The following CYCS variants were observed in gnomAD, a reference collection of about 807,000 sequenced individuals.
The protein encoded by CYCS is cytochrome c, somatic.
For missense variants in CYCS, 87 were observed against 125.3 expected (o/e 0.69, Z 1.46); for synonymous variants, 41 against 43.0 (o/e 0.95, Z 0.18).
At chr7:25,124,543 G>A (rs565336866) in intron 1 of CYCS, 11 of 263,712 alleles carry the variant, frequency 4.2e-5, no homozygotes, top group East Asian at 2.0e-4. Flanking sequence ...CTCTCCCTGA[G>A]GATAACGCAA....
At position 25,119,728 on chromosome 7, in the gene CYCS, C is replaced by T. The variant is rs1017127235; in HGVS notation, c.*3973G>A. Among the ~76,000 whole-genome samples, 26 of 152,206 alleles carry T rather than the reference C, an allele frequency of 1.7e-4. No individual in the cohort carries two copies. The highest frequency in any genetic ancestry group is 6.3e-4 in the African/African-American group (26 of 41,452). ...TGGCTGGGACTACAGGTGTGCACCA[C>T]GACGCCCAGTTATCTAGTTTACTCT... On this transcript the variant is annotated 3_prime_UTR_variant, in exon 3 of 3. Coordinates refer to ENST00000305786, the MANE Select transcript of CYCS (RefSeq NM_018947.6).
At position 25,123,958 on chromosome 7, in the gene CYCS, C is replaced by T; in HGVS notation, c.162G>A (p.Lys54=). The change falls in exon 2 of 3, where the codon AAG becomes AAA. Residue 54 remains lysine (K), a synonymous_variant. Coordinates refer to ENST00000305786, the MANE Select transcript of CYCS (RefSeq NM_018947.6). ...APGYSYTAAN[K]NKGIIWGEDT... Reference sequence around the variant, plus strand: ...TTAACAAGTGACTCTTACCTTTGTTCTTATTGGCGGCTGTGTAAGAGTATC... The same window carrying T: ...TTAACAAGTGACTCTTACCTTTGTTTTTATTGGCGGCTGTGTAAGAGTATC... The T allele has an allele frequency of 6.2e-7, 1 of 1,614,122 alleles. No individual in the cohort carries two copies. The highest frequency in any genetic ancestry group is 8.5e-7 in the Non-Finnish European group (1 of 1,180,020).
Position 25,122,548 on chromosome 7 carries a change from ACT to A in CYCS, c.*1151_*1152del, listed in dbSNP as rs762398655. ...GAAATAATTCAGTATGTAATTATAC[ACT>A]GTTACACATCACAAAACTATGACCA... On this transcript the variant is annotated 3_prime_UTR_variant, in exon 3 of 3. Transcript: ENST00000305786. 6.6e-6 allele frequency: 1 copy of A among 152,264 alleles called. No individual in the cohort carries two copies. The highest frequency in any genetic ancestry group is 6.5e-5 in the Admixed American group (1 of 15,284). The allele number at this position is 152,264 out of a possible 1,614,324, so 9.4% of individuals were successfully genotyped here. A position where few individuals can be genotyped will look rare whatever the true frequency, so the allele number is the denominator to read the frequency against.
rs1393096190 is a variant in CYCS at position 25,119,214 on chromosome 7, T to C, written c.*4487A>G. On this transcript the variant is annotated 3_prime_UTR_variant, in exon 3 of 3. Coordinates refer to ENST00000305786, the MANE Select transcript of CYCS (RefSeq NM_018947.6). ...CCAACTTGGCAACATCTTATTGGTT[T>C]TCAGAATATACTGATGACGGATTGC... Among the ~76,000 whole-genome samples the C allele has an allele frequency of 6.6e-6, 1 of 152,244 alleles. No individual in the cohort carries two copies. The highest frequency in any genetic ancestry group is 2.4e-5 in the African/African-American group (1 of 41,452).
At position 25,122,086 on chromosome 7, in the gene CYCS, C is replaced by T. The variant is rs952439527; in HGVS notation, c.*1615G>A. 6.6e-6 allele frequency: 1 copy of T among 151,804 alleles called. No homozygotes were observed. The highest frequency in any genetic ancestry group is 1.5e-5 in the Non-Finnish European group (1 of 68,002). 9.4% of individuals were successfully genotyped at this position (151,804 alleles called of 1,614,324 possible). The stretch of plus-strand genomic sequence containing the variant: ...GTCTTTCTCATTAGTCCAGAATTGT[C>T]CCCTTGTAAGCTACTTGCTACACTG... On this transcript the variant is annotated 3_prime_UTR_variant, in exon 3 of 3. Coordinates refer to ENST00000305786, the MANE Select transcript of CYCS (RefSeq NM_018947.6).
In CYCS at chr7:25,118,796, A is replaced by C. The variant is rs1398369789; in HGVS notation, c.*4905T>G. Among the ~76,000 whole-genome samples, 1 of 151,876 alleles carries C rather than the reference A, an allele frequency of 6.6e-6. No individual in the cohort carries two copies. The highest frequency in any genetic ancestry group is 1.5e-5 in the Non-Finnish European group (1 of 68,030). On this transcript the variant is annotated 3_prime_UTR_variant, in exon 3 of 3. Transcript: ENST00000305786. ...AGTTACAGACATATTTAAATGTTTA[A>C]ATTTAAAATGTTAAATTTAACATTT...
chr7:25,119,897 T>C lies in CYCS; in HGVS notation c.*3804A>G, dbSNP rs568878849. On this transcript the variant is annotated 3_prime_UTR_variant, in exon 3 of 3. Transcript: ENST00000305786. ...TCAGTGGTTAAAGCAAAACTGTACATCTATAAAGGAATTCAAGAGAAGTGC... is the reference window on the plus strand; with the variant it reads ...TCAGTGGTTAAAGCAAAACTGTACACCTATAAAGGAATTCAAGAGAAGTGC... Among the ~76,000 whole-genome samples the C allele has an allele frequency of 7.2e-5, 11 of 152,186 alleles. No homozygotes were observed. Among genetic ancestry groups the C allele is most frequent in the South Asian group, 4.1e-4 (2 of 4,820 alleles).
In CYCS at chr7:25,124,004, C is replaced by T. The variant is rs1047899818; in HGVS notation, c.116G>A (p.Arg39Gln). ...TGPNLHGLFG[R>Q]KTGQAPGYSY... ...GTATCCAGGGGCCTGACCTGTCTTCCGCCCAAAGAGACCATGGAGATTTGG... is the reference window on the plus strand; with the variant it reads ...GTATCCAGGGGCCTGACCTGTCTTCTGCCCAAAGAGACCATGGAGATTTGG... The change falls in exon 2 of 3, where the codon CGG becomes CAG. Residue 39 changes from arginine to glutamine, a missense_variant. Coordinates refer to ENST00000305786, the MANE Select transcript of CYCS (RefSeq NM_018947.6). The T allele has an allele frequency of 8.7e-6, 14 of 1,613,994 alleles. No individual in the cohort carries two copies. The Admixed American group carries it at 1.2e-4, about 13-fold the overall frequency.
intron 1 of CYCS, chr7:25,124,632 T>C (rs112528703): frequency 1.8e-4 from 35 of 192,112 alleles, no homozygotes; most frequent in Admixed American, 3.2e-4. Flanking sequence ...CTCGAACTTG[T>C]GAATGGGAGC....
At chr7:25,124,573 A>T (rs1168229070) in intron 1 of CYCS, 3 of 240,626 alleles carry the variant, frequency 1.2e-5, no homozygotes, top group Non-Finnish European at 2.5e-5. Context: ...ATGTTTAAAA[A>T]GCGGTCCTGG....
rs952917515 is a variant in CYCS, at chr7:25,120,573, A to G, written c.*3128T>C. Reference sequence around the variant, plus strand: ...CAGCCACATGTGGTTAGTGGCTACCACACTGGACAGCAAAAGTCTACAAAA... The same window carrying G: ...CAGCCACATGTGGTTAGTGGCTACCGCACTGGACAGCAAAAGTCTACAAAA... On this transcript the variant is annotated 3_prime_UTR_variant, in exon 3 of 3. Transcript: ENST00000305786. 2.0e-5 allele frequency: 3 copies of G among 152,228 alleles called. No individual in the cohort carries two copies. Among genetic ancestry groups the G allele is most frequent in the African/African-American group, 4.8e-5 (2 of 41,448 alleles). 9.4% of individuals were successfully genotyped at this position (152,228 alleles called of 1,614,324 possible).
rs1333100481 is a variant in CYCS at position 25,121,722 on chromosome 7, C to G, written c.*1979G>C. On this transcript the variant is annotated 3_prime_UTR_variant, in exon 3 of 3. Coordinates refer to ENST00000305786, the MANE Select transcript of CYCS (RefSeq NM_018947.6). Reference sequence around the variant, plus strand: ...GGCAAGTGGACGGATTGCTTGAGCTCAGGAGTTTGAGACCAGCCTGGGACC... The same window carrying G: ...GGCAAGTGGACGGATTGCTTGAGCTGAGGAGTTTGAGACCAGCCTGGGACC... The G allele has an allele frequency of 6.6e-6, 1 of 152,150 alleles. No homozygotes were observed. Among genetic ancestry groups the G allele is most frequent in the South Asian group, 2.1e-4 (1 of 4,830 alleles). The allele number at this position is 152,150 out of a possible 1,614,324, so 9.4% of individuals were successfully genotyped here.
At position 25,123,987 on chromosome 7, in the gene CYCS, G is replaced by T; in HGVS notation, c.133C>A (p.Pro45Thr). Reference sequence around the variant, plus strand: ...TTGGCGGCTGTGTAAGAGTATCCAGGGGCCTGACCTGTCTTCCGCCCAAAG... The same window carrying T: ...TTGGCGGCTGTGTAAGAGTATCCAGTGGCCTGACCTGTCTTCCGCCCAAAG... ...GLFGRKTGQA[P>T]GYSYTAANKN... Residue 45 changes from proline to threonine, a missense_variant, in exon 2 of 3, where the codon CCT becomes ACT. By Grantham distance (38) the Pro-to-Thr change is conservative. Transcript: ENST00000305786. 1 of 1,614,128 alleles carries T rather than the reference G, an allele frequency of 6.2e-7. No individual in the cohort carries two copies. Among genetic ancestry groups the T allele is most frequent in the East Asian group, 2.2e-5 (1 of 44,878 alleles).
In CYCS at chr7:25,121,198, C is replaced by T. The variant is rs561651727; in HGVS notation, c.*2503G>A. Reference sequence around the variant, plus strand: ...GTGCTTGGGTATAACTGACCTAGAACATGGCAGTTACTCATCTGTGCCAAC... The same window carrying T: ...GTGCTTGGGTATAACTGACCTAGAATATGGCAGTTACTCATCTGTGCCAAC... On this transcript the variant is annotated 3_prime_UTR_variant, in exon 3 of 3. Coordinates refer to ENST00000305786, the MANE Select transcript of CYCS (RefSeq NM_018947.6). The T allele has an allele frequency of 1.3e-5, 2 of 152,236 alleles. No individual in the cohort carries two copies. The highest frequency in any genetic ancestry group is 3.9e-4 in the East Asian group (2 of 5,170). The allele number at this position is 152,236 out of a possible 1,614,324, so 9.4% of individuals were successfully genotyped here.
rs1253161715 is a variant in CYCS, at chr7:25,120,980, T to C, written c.*2721A>G. On this transcript the variant is annotated 3_prime_UTR_variant, in exon 3 of 3. Transcript: ENST00000305786. ...TCTCTACTAAAAACACAAAATAAGC[T>C]GGGCATGGTGGCGCATGCTTGTAAT... 6.6e-6 allele frequency: 1 copy of C among 152,014 alleles called. No individual in the cohort carries two copies. The highest frequency in any genetic ancestry group is 2.4e-5 in the African/African-American group (1 of 41,382). 9.4% of individuals were successfully genotyped at this position (152,014 alleles called of 1,614,324 possible).
rs1292508353 is a variant in CYCS at position 25,123,797 on chromosome 7, C to T, written c.222G>A (p.Lys74=). The T allele has an allele frequency of 6.2e-7, 1 of 1,613,336 alleles. No homozygotes were observed. Among genetic ancestry groups the T allele is most frequent in the Non-Finnish European group, 8.5e-7 (1 of 1,179,872 alleles). ...TLMEYLENPK[K]YIPGTKMIFV... is the part of the protein sequence containing the mutation. ...AGATCATTTTTGTTCCAGGGATGTA[C>T]TTCTTGGGATTCTCCAAATACTCCA... The change falls in exon 3 of 3, where the codon AAG becomes AAA. Residue 74 remains lysine (K), a synonymous_variant. Transcript: ENST00000305786.
At chr7:25,124,913 C>A (rs781488241) in intron 1 of CYCS, 4 of 152,568 alleles carry the variant, frequency 2.6e-5, no homozygotes, top group Non-Finnish European at 5.9e-5. Flanking sequence ...ATTTCCATAG[C>A]CCTTCAGCAA....
In CYCS at chr7:25,122,273, A is replaced by G. The variant is rs1189621289; in HGVS notation, c.*1428T>C. ...ATTACAGCAAGCTTTCCACATTTCTATAAATAAAAATAAGACTCATATGTT... is the reference window on the plus strand; with the variant it reads ...ATTACAGCAAGCTTTCCACATTTCTGTAAATAAAAATAAGACTCATATGTT... On this transcript the variant is annotated 3_prime_UTR_variant, in exon 3 of 3. Coordinates refer to ENST00000305786, the MANE Select transcript of CYCS (RefSeq NM_018947.6). 1 of 152,244 alleles carries G rather than the reference A, an allele frequency of 6.6e-6. No homozygotes were observed. The highest frequency in any genetic ancestry group is 2.4e-5 in the African/African-American group (1 of 41,454). The allele number at this position is 152,244 out of a possible 1,614,324, so 9.4% of individuals were successfully genotyped here.
Position 25,123,833 on chromosome 7 carries a change from C to G in CYCS, c.186G>C (p.Glu62Asp). The change falls in exon 3 of 3, where the codon GAG (glutamate) becomes GAC (aspartate). Residue 62 changes from glutamate (E) to aspartate (D), a missense_variant. Coordinates refer to ENST00000305786, the MANE Select transcript of CYCS (RefSeq NM_018947.6). ...ANKNKGIIWG[E>D]DTLMEYLENP... is the part of the protein sequence containing the mutation. ...TCTCCAAATACTCCATCAGTGTATC[C>G]TCTCCCCAGATGATGCCTAAACAAG... 6.2e-7 allele frequency: 1 copy of G among 1,614,056 alleles called. No individual in the cohort carries two copies. The highest frequency in any genetic ancestry group is 8.5e-7 in the Non-Finnish European group (1 of 1,179,994).
Sources: gnomAD v4.1 joint callset for allele counts (sites outside exome capture counted in the v4.1 genomes callset) on GRCh38, gnomAD v4.1.1 for gene constraint, MANE v1.5 for transcripts, NCBI Gene and HGNC (gene_info 2026-07-23, HGNC 2026-07-21) for gene names.